PSD2: variants seen among roughly 807,000 people sequenced by gnomAD.
PSD2 encodes PH and SEC7 domain-containing protein 2.
PSD2 carries 38 observed loss-of-function variants against 69.8 expected under a neutral mutation model. The observed-to-expected ratio is 0.54, with a 90% CI of 0.42 to 0.71. The LOEUF is 0.71. PSD2 is among the 30% of genes least tolerant of loss of function. PSD2 has a pLI of 0.00. For missense variants in PSD2, 943 were observed against 1,014.5 expected, an observed-to-expected ratio of 0.93 and a Z score of 0.96; for synonymous variants, 412 against 423.0, an observed-to-expected ratio of 0.97 and a Z score of 0.32.
At chr5:139,830,521 T>TCCTCCTTCCTTCCTTCCTTC (rs1760547992) in intron 7 of PSD2, among the ~76,000 whole-genome samples, 6 of 96,980 alleles carry the variant, frequency 6.2e-5, no homozygotes, top group Non-Finnish European at 1.2e-4. Context: ...CAGCTAATTT[T>TCCTCCTTCCTTCCTTCCTTC]CTTCCTTCCT....
chr5:139,842,404 G>A lies in PSD2; in HGVS notation c.2246G>A (p.Ser749Asn). ...CCTTCTCTCCGGAAGACACATTCAAGCCCTGCCCTCAGCCAGGGCCATGTG... is the reference window on the plus strand; with the variant it reads ...CCTTCTCTCCGGAAGACACATTCAAACCCTGCCCTCAGCCAGGGCCATGTG... ...DDPSLRKTHSSPALSQGHVTG... is the reference protein window; with the variant it reads ...DDPSLRKTHSNPALSQGHVTG... Residue 749 changes from serine to asparagine, a missense_variant, in exon 15 of 15, where the codon AGC becomes AAC. Ser to Asn is a conservative substitution (Grantham distance 46). Transcript: ENST00000274710. 2 of 1,614,216 alleles carry A rather than the reference G, an allele frequency of 1.2e-6. No individual in the cohort carries two copies. The highest frequency in any genetic ancestry group is 1.7e-6 in the Non-Finnish European group (2 of 1,180,032).
chr5:139,774,810 G>A, the PSD2 span, among the ~76,000 whole-genome samples: 1 of 152,148 alleles, frequency 6.6e-6, no homozygotes, highest in Non-Finnish European at 1.5e-5. Context: ...CTTTCTATTT[G>A]CAATTTAGAG....
At chr5:139,767,160 T>A in the PSD2 span, among the ~76,000 whole-genome samples, 1 of 149,176 alleles carries the variant, frequency 6.7e-6, no homozygotes, top group Non-Finnish European at 1.5e-5. Flanking sequence ...GCCCAGCTAA[T>A]TTTTTTTGTA....
At chr5:139,748,331 A>G in the PSD2 span, among the ~76,000 whole-genome samples, 5 of 152,174 alleles carry the variant, frequency 3.3e-5, no homozygotes, top group Admixed American at 3.3e-4. Flanking sequence ...ATGTGCCTAA[A>G]ATACACATAT....
chr5:139,754,866 C>T, the PSD2 span, among the ~76,000 whole-genome samples: 1,359 of 149,278 alleles, frequency 9.1e-3, 18 homozygotes, highest in African/African-American at 0.031. Context: ...GACCCTGTCT[C>T]AAAAAAAAAC....
intron 9 of PSD2, 50 bp from the exon 10 acceptor site, chr5:139,836,761 C>T (rs375906294): frequency 8.4e-6 from 13 of 1,550,286 alleles, no homozygotes; most frequent in Admixed American, 3.4e-5. Context: ...CATGACGATG[C>T]GGGGCCGAGG....
rs556234823 is a variant in PSD2, at chr5:139,843,007, A to T, written c.*533A>T. On this transcript the variant is annotated 3_prime_UTR_variant, in exon 15 of 15. Transcript: ENST00000274710. ...CTGCCTCACATCACAATAATCTGGG[A>T]CCCAGGCTTGTGCCCTTTCAGTGTA... 39 of 155,140 alleles carry T rather than the reference A, an allele frequency of 2.5e-4. No individual in the cohort carries two copies. The highest frequency in any genetic ancestry group is 6.4e-4 in the Admixed American group (10 of 15,636). 9.6% of individuals were successfully genotyped at this position (155,140 alleles called of 1,614,324 possible).
Position 139,809,593 on chromosome 5 carries a change from G to A in PSD2, c.153G>A (p.Arg51=). Residue 51 remains arginine (R), a synonymous_variant, in exon 2 of 15, where the codon AGG becomes AGA. Transcript: ENST00000274710. ...SSLCSPGHER[R]GTPADTEEPT... is the part of the protein sequence containing the mutation. ...TCTGCAGCCCAGGGCACGAGCGAAG[G>A]GGCACCCCAGCGGACACTGAGGAAC... The A allele has an allele frequency of 1.2e-6, 2 of 1,614,230 alleles. No homozygotes were observed. The highest frequency in any genetic ancestry group is 1.7e-6 in the Non-Finnish European group (2 of 1,180,034).
chr5:139,784,692 G>C, the PSD2 span, among the ~76,000 whole-genome samples: 3 of 151,854 alleles, frequency 2.0e-5, no homozygotes, highest in African/African-American at 7.3e-5. Context: ...CCCACCCCAG[G>C]GCCTTTGCAC....
At chr5:139,768,871 C>G in the PSD2 span, among the ~76,000 whole-genome samples, 1 of 152,212 alleles carries the variant, frequency 6.6e-6, no homozygotes, top group Non-Finnish European at 1.5e-5. Context: ...ACTGTCTGAT[C>G]TGTAAGACAA....
chr5:139,759,256 A>G, the PSD2 span, among the ~76,000 whole-genome samples: 9 of 151,996 alleles, frequency 5.9e-5, no homozygotes, highest in Non-Finnish European at 1.0e-4. Context: ...CTGCCTCTGG[A>G]CGCTGAAAAA....
chr5:139,842,651 C>T lies in PSD2; in HGVS notation c.*177C>T, dbSNP rs949843090. 9 of 605,486 alleles carry T rather than the reference C, an allele frequency of 1.5e-5. No individual in the cohort carries two copies. Among genetic ancestry groups the T allele is most frequent in the East Asian group, 5.6e-5 (2 of 35,982 alleles). The allele number at this position is 605,486 out of a possible 1,614,324, so 37.5% of individuals were successfully genotyped here. A position where few individuals can be genotyped will look rare whatever the true frequency, so the allele number is the denominator to read the frequency against. On this transcript the variant is annotated 3_prime_UTR_variant, in exon 15 of 15. Coordinates refer to ENST00000274710, the MANE Select transcript of PSD2 (RefSeq NM_032289.4). ...GCCGTTTGTGGCGTTGATCTCCTTG[C>T]GTCCTTGGGCATCTCCGGGCATCAG...
chr5:139,840,243 A>T (rs1581743197), intron 14 of PSD2, 73 bp downstream of exon 14: 1 of 1,543,126 alleles, frequency 6.5e-7, no homozygotes, highest in East Asian at 2.3e-5. Context: ...CTGATGTGGG[A>T]CTGGGGAGGT....
rs1280638149 is a variant in PSD2, at chr5:139,815,515, C to T, written c.1016+1151C>T. On this transcript the variant is annotated intron_variant, in intron 4 of 14. Transcript: ENST00000274710. ...GTGGCCTCTATCCCCTTTCTTTCTC[C>T]ACACTCAGCCCCTCCACACTGGTTT... Among the ~76,000 whole-genome samples the T allele has an allele frequency of 3.9e-5, 6 of 152,126 alleles. No individual in the cohort carries two copies. In the East Asian group the frequency reaches 1.2e-3, roughly 29 times the overall value.
rs1318872536 is a variant in PSD2 at position 139,837,125 on chromosome 5, C to A, written c.1595-43C>A. The A allele has an allele frequency of 7.5e-6, 12 of 1,607,316 alleles. No individual in the cohort carries two copies. In the African/African-American group the frequency reaches 1.2e-4, roughly 16 times the overall value. ...GTGGGAGGTGGGGTTGGAGAGACTG[C>A]AGAGGGTGGCTGCAGCCACACTACC... On this transcript the variant is annotated intron_variant, in intron 10 of 14. Coordinates refer to ENST00000274710, the MANE Select transcript of PSD2 (RefSeq NM_032289.4). This position sits in a 1 kb window ranked among gnomAD's most constrained non-coding sequence, Gnocchi z 5.0.
At position 139,842,792 on chromosome 5, in the gene PSD2, C is replaced by G; in HGVS notation, c.*318C>G. ...GAAGCTGGAAGGGCTGTTGTCTTCCCAGGTCTTTCTCTTCTCATCAAGCTC... is the reference window on the plus strand; with the variant it reads ...GAAGCTGGAAGGGCTGTTGTCTTCCGAGGTCTTTCTCTTCTCATCAAGCTC... On this transcript the variant is annotated 3_prime_UTR_variant, in exon 15 of 15. Coordinates refer to ENST00000274710, the MANE Select transcript of PSD2 (RefSeq NM_032289.4). 3.6e-6 allele frequency: 1 copy of G among 276,850 alleles called. No individual in the cohort carries two copies. Among genetic ancestry groups the G allele is most frequent in the Non-Finnish European group, 6.9e-6 (1 of 145,910 alleles). 17.1% of individuals were successfully genotyped at this position (276,850 alleles called of 1,614,324 possible).
chr5:139,755,923 C>A, the PSD2 span, among the ~76,000 whole-genome samples: 2 of 151,912 alleles, frequency 1.3e-5, no homozygotes, highest in Admixed American at 6.5e-5. Context: ...TTAAAAAAAG[C>A]ACAATGCAAA....
chr5:139,814,051 T>G lies in PSD2; in HGVS notation c.822-119T>G. ...CATTCCCTCCGGCTGCAGTGGAGCT[T>G]CTTTCCCTGTTCTGGCCCCTACATG... On this transcript the variant is annotated intron_variant, in intron 3 of 14. Transcript: ENST00000274710. This position sits in a 1 kb window ranked among gnomAD's most constrained non-coding sequence, Gnocchi z 4.4. 1 of 956,748 alleles carries G rather than the reference T, an allele frequency of 1.0e-6. No homozygotes were observed. Among genetic ancestry groups the G allele is most frequent in the Non-Finnish European group, 1.6e-6 (1 of 624,684 alleles). The allele number at this position is 956,748 out of a possible 1,614,324, so 59.3% of individuals were successfully genotyped here.
chr5:139,777,432 G>A, the PSD2 span, among the ~76,000 whole-genome samples: 1 of 152,336 alleles, frequency 6.6e-6, no homozygotes, highest in East Asian at 1.9e-4. Context: ...TGGGAGGGAG[G>A]CCTTGTAGGG....
Sources: gnomAD v4.1 joint callset for allele counts (sites outside exome capture counted in the v4.1 genomes callset) on GRCh38, gnomAD v4.1.1 for gene constraint, Gnocchi (gnomAD v3.1) non-coding constraint, MANE v1.5 for transcripts, NCBI Gene and HGNC (gene_info 2026-07-23, HGNC 2026-07-21) for gene names.